RAD51B: variants seen among roughly 807,000 people sequenced by gnomAD.
The protein encoded by RAD51B is RAD51 paralog B.
In RAD51B, 38 loss-of-function variants were observed where a neutral mutation model predicts 42.2. That is an observed-to-expected ratio of 0.90 (90% CI 0.70 to 1.18). RAD51B has a LOEUF of 1.18. RAD51B is among the 50% of genes most tolerant of loss of function. The pLI is 0.00. For missense variants in RAD51B, 373 were observed against 400.7 expected, an observed-to-expected ratio of 0.93 and a Z score of 0.59; for synonymous variants, 154 against 145.2, an observed-to-expected ratio of 1.06 and a Z score of -0.43.
intron 4 of RAD51B, among the ~76,000 whole-genome samples, chr14:67,861,080 C>A (rs2042148267): frequency 6.6e-6 from 1 of 151,998 alleles, no homozygotes; most frequent in African/African-American, 2.4e-5. Flanking sequence ...GTAGTTCCAG[C>A]CGCTTGAGTG....
chr14:67,990,117 C>T (rs1052051572), intron 7 of RAD51B, among the ~76,000 whole-genome samples: 11 of 151,484 alleles, frequency 7.3e-5, no homozygotes, highest in African/African-American at 1.9e-4. Context: ...CCTGCCTCAG[C>T]CTCCCAAGTA....
chr14:68,025,780 G>A (rs1274978293), intron 7 of RAD51B, among the ~76,000 whole-genome samples: 1 of 151,982 alleles, frequency 6.6e-6, no homozygotes, highest in Non-Finnish European at 1.5e-5. Context: ...TTAGCTAGCA[G>A]TCTATCAGTC....
intron 8 of RAD51B, among the ~76,000 whole-genome samples, chr14:68,369,021 A>G (rs2083199006): frequency 6.6e-6 from 1 of 152,126 alleles, no homozygotes; most frequent in Admixed American, 6.5e-5. Flanking sequence ...TGAGATAGCA[A>G]CCACAAAAAA....
chr14:68,155,484 G>A (rs781520946), intron 7 of RAD51B, among the ~76,000 whole-genome samples: 40 of 152,180 alleles, frequency 2.6e-4, no homozygotes, highest in African/African-American at 5.5e-4. Flanking sequence ...GAGCCACCGC[G>A]CCCGGCCTAT....
intron 10 of RAD51B, among the ~76,000 whole-genome samples, chr14:68,606,372 C>A (rs1012558965): frequency 3.9e-5 from 6 of 152,200 alleles, no homozygotes; most frequent in Non-Finnish European, 8.8e-5. Flanking sequence ...ACATACTCTG[C>A]AGAACCGGAA....
chr14:68,181,238 T>A (rs2079055559), intron 7 of RAD51B, among the ~76,000 whole-genome samples: 1 of 152,346 alleles, frequency 6.6e-6, no homozygotes, highest in South Asian at 2.1e-4. Context: ...CTCTGGAAGG[T>A]AATCCCCAGA....
chr14:68,439,365 T>C (rs1449323161), intron 9 of RAD51B, among the ~76,000 whole-genome samples: 1 of 152,172 alleles, frequency 6.6e-6, no homozygotes, highest in Non-Finnish European at 1.5e-5. Context: ...TAGCTTCTTG[T>C]TGTTGCTAAT....
chr14:68,498,457 T>C (rs1037479653), intron 10 of RAD51B, among the ~76,000 whole-genome samples: 1 of 152,202 alleles, frequency 6.6e-6, no homozygotes, highest in Non-Finnish European at 1.5e-5. Flanking sequence ...TCCACAGGAC[T>C]GTAGGGTTAC....
intron 10 of RAD51B, among the ~76,000 whole-genome samples, chr14:68,518,977 A>C (rs1389748221): frequency 6.6e-6 from 1 of 152,224 alleles, no homozygotes. Context: ...GCATCCGGCC[A>C]CTTCCACCCA....
chr14:68,489,199 C>A (rs759051785), intron 10 of RAD51B, among the ~76,000 whole-genome samples: 1 of 151,838 alleles, frequency 6.6e-6, no homozygotes, highest in Non-Finnish European at 1.5e-5. Context: ...CAAATGAATG[C>A]TCTTGTAGTC....
intron 9 of RAD51B, among the ~76,000 whole-genome samples, chr14:68,430,315 T>G (rs1168264853): frequency 6.6e-6 from 1 of 152,212 alleles, no homozygotes; most frequent in Non-Finnish European, 1.5e-5. Flanking sequence ...GGGGATGGCA[T>G]TGAATCTATA....
chr14:68,564,861 G>T (rs1283496154), intron 10 of RAD51B, among the ~76,000 whole-genome samples: 4 of 152,192 alleles, frequency 2.6e-5, no homozygotes, highest in Non-Finnish European at 5.9e-5. Context: ...GGCTGGCTGA[G>T]GGGACCTCAG....
chr14:68,497,002 G>A, intron 10 of RAD51B: 1 of 933,440 alleles, frequency 1.1e-6, no homozygotes. Flanking sequence ...AACAGAATGG[G>A]GGCATGAACT....
rs151142486 is a variant in RAD51B, at chr14:68,586,752, C to A, written c.1037-7733C>A. Among the ~76,000 whole-genome samples, 66 of 152,300 alleles carry A rather than the reference C, an allele frequency of 4.3e-4. 1 individual carries two copies. The East Asian group carries it at 0.013, about 29-fold the overall frequency. ...GGGTGCGGTGTTTCACCCCTGTAAT[C>A]CCAGCACTTTGGGAGGCTGAGGTGG... On this transcript the variant is annotated intron_variant, in intron 10 of 10. Coordinates refer to the RAD51B transcript ENST00000487270.
At chr14:67,864,649 C>T in intron 4 of RAD51B, 1 of 291,880 alleles carries the variant, frequency 3.4e-6, no homozygotes, top group East Asian at 1.0e-4. Context: ...TAAATATCTT[C>T]ATGAGGAAAA....
rs548011714 is a variant in RAD51B at position 68,468,190 on chromosome 14, C to G, written c.976C>G (p.Pro326Ala). ...ERRQILIAKS[P>A]LAPFTSFVYT... Reference sequence around the variant, plus strand: ...TGTGCAGATTCTTATTGCCAAGTCCCCTCTGGCTCCCTTCACCTCATTTGT... The same window carrying G: ...TGTGCAGATTCTTATTGCCAAGTCCGCTCTGGCTCCCTTCACCTCATTTGT... Residue 326 changes from proline to alanine, a missense_variant, in exon 10 of 11, where the codon CCT becomes GCT. By Grantham distance (27) the Pro-to-Ala change is conservative. Transcript: ENST00000471583. 8.1e-6 allele frequency: 13 copies of G among 1,613,828 alleles called. No homozygotes were observed. The highest frequency in any genetic ancestry group is 9.3e-6 in the Non-Finnish European group (11 of 1,179,908).
At chr14:68,631,483 C>T (rs1892226051) in intron 10 of RAD51B, among the ~76,000 whole-genome samples, 2 of 152,146 alleles carry the variant, frequency 1.3e-5, no homozygotes, top group Admixed American at 1.3e-4. Flanking sequence ...GTCACTACAG[C>T]TCGGAAGCCG....
At chr14:68,506,936 A>G (rs552465426) in intron 10 of RAD51B, among the ~76,000 whole-genome samples, 24 of 152,330 alleles carry the variant, frequency 1.6e-4, no homozygotes, top group Non-Finnish European at 1.6e-4. Context: ...TCCCCATACC[A>G]CAGGTGGGTA....
chr14:68,570,775 G>A (rs575658882), intron 10 of RAD51B, among the ~76,000 whole-genome samples: 1 of 152,084 alleles, frequency 6.6e-6, no homozygotes, highest in Non-Finnish European at 1.5e-5. Flanking sequence ...AGAATAATAT[G>A]TGCGTATATG....
Sources: allele counts gnomAD v4.1 joint callset (sites outside exome capture counted in the v4.1 genomes callset), GRCh38; gene constraint gnomAD v4.1.1; transcripts MANE v1.5; gene names NCBI Gene and HGNC (gene_info 2026-07-23, HGNC 2026-07-21).